ZNF680: variants seen among roughly 807,000 people sequenced by gnomAD.
ZNF680 encodes the protein hypothetical protein FLJ90430.
ZNF680 carries 6 observed loss-of-function variants against 12.1 expected under a neutral mutation model. The observed-to-expected ratio is 0.49, with a 90% CI of 0.27 to 0.98. ZNF680 has a LOEUF of 0.98. Among genes scored for constraint, ZNF680 ranks in the 50% least tolerant of loss-of-function variants. The pLI, the probability that ZNF680 is intolerant of heterozygous loss-of-function variation, is 0.12. For synonymous variants in ZNF680, 170 were observed against 199.3 expected, an observed-to-expected ratio of 0.85 and a Z score of 1.24; for missense variants, 561 against 616.3, an observed-to-expected ratio of 0.91 and a Z score of 0.95.
At chr7:64,524,658 TGAAG>T (rs1791736302) in intron 3 of ZNF680, 1 of 152,112 alleles carries the variant, frequency 6.6e-6, no homozygotes, top group Admixed American at 6.6e-5. Context: ...AAACCGGACT[TGAAG>T]GGAGTATAAA....
Position 64,520,216 on chromosome 7 carries a change from T to G in ZNF680, c.*945A>C, listed in dbSNP as rs961063624. 3.4e-4 allele frequency: 51 copies of G among 151,708 alleles called. No homozygotes were observed. The highest frequency in any genetic ancestry group is 1.2e-3 in the African/African-American group (51 of 41,410). 9.4% of individuals were successfully genotyped at this position (151,708 alleles called of 1,614,324 possible). A position where few individuals can be genotyped will look rare whatever the true frequency, so the allele number is the denominator to read the frequency against. ...AATAAAAAAGAATCTCTCCTATATC[T>G]GACACAGCAACAATTTATCACATGC... On this transcript the variant is annotated 3_prime_UTR_variant, in exon 4 of 4. Coordinates refer to ENST00000309683, the MANE Select transcript of ZNF680 (RefSeq NM_178558.5).
intron 1 of ZNF680, among the ~76,000 whole-genome samples, chr7:64,558,596 A>C (rs1007648122): frequency 6.6e-6 from 1 of 152,178 alleles, no homozygotes; most frequent in Non-Finnish European, 1.5e-5. Context: ...AGGCAGATGT[A>C]GTTAAGGTTA....
chr7:64,505,424 A>G, the ZNF680 span, among the ~76,000 whole-genome samples: 1 of 152,208 alleles, frequency 6.6e-6, no homozygotes, highest in African/African-American at 2.4e-5. Flanking sequence ...AATTGTAAAA[A>G]CTATTTAAAT....
downstream of ZNF680, among the ~76,000 whole-genome samples, chr7:64,517,497 C>T (rs1186106122): frequency 2.0e-5 from 3 of 152,032 alleles, no homozygotes; most frequent in African/African-American, 4.8e-5. Flanking sequence ...GACAGACTCA[C>T]AGCAGAATTC....
At chr7:64,561,614 A>C (rs1158273136) in intron 1 of ZNF680, among the ~76,000 whole-genome samples, 1 of 152,194 alleles carries the variant, frequency 6.6e-6, no homozygotes, top group East Asian at 1.9e-4. Flanking sequence ...TTTCTCAAAA[A>C]ATGATTAATT....
At chr7:64,547,796 G>C (rs909168866) in intron 1 of ZNF680, among the ~76,000 whole-genome samples, 2 of 152,096 alleles carry the variant, frequency 1.3e-5, no homozygotes, top group Non-Finnish European at 2.9e-5. Flanking sequence ...TTGCTACATG[G>C]AACATTTCAG....
chr7:64,529,069 G>C (rs979673299), intron 3 of ZNF680, among the ~76,000 whole-genome samples: 2 of 152,104 alleles, frequency 1.3e-5, no homozygotes, highest in Non-Finnish European at 2.9e-5. Context: ...ACCTAGAAGG[G>C]AGATAACAAT....
chr7:64,553,918 G>A (rs1046255015), intron 1 of ZNF680, among the ~76,000 whole-genome samples: 2 of 152,132 alleles, frequency 1.3e-5, no homozygotes, highest in Non-Finnish European at 2.9e-5. Flanking sequence ...GTGCAGTGGC[G>A]TGATCTCGGC....
intron 3 of ZNF680, among the ~76,000 whole-genome samples, chr7:64,542,382 CAA>C (rs906567026): frequency 7.9e-5 from 12 of 152,138 alleles, no homozygotes; most frequent in Middle Eastern, 3.4e-3. Flanking sequence ...AAAAATTAGT[CAA>C]AAAAAGTTTT....
intron 3 of ZNF680, among the ~76,000 whole-genome samples, chr7:64,535,505 A>G (rs1353406506): frequency 6.6e-6 from 1 of 152,160 alleles, no homozygotes; most frequent in Admixed American, 6.5e-5. Context: ...GTAAAAAAGC[A>G]TACAATATGT....
chr7:64,526,243 G>A (rs561568921), intron 3 of ZNF680: 207 of 1,111,522 alleles, frequency 1.9e-4, no homozygotes, highest in Middle Eastern at 1.5e-3. Flanking sequence ...AAAAGGCTAA[G>A]AACTTCCCAA....
At chr7:64,501,108 A>G in the ZNF680 span, 2 of 974,028 alleles carry the variant, frequency 2.1e-6, no homozygotes, top group East Asian at 2.4e-5. Flanking sequence ...GAGGAAAAGC[A>G]GGTGTGAAAT....
intron 1 of ZNF680, among the ~76,000 whole-genome samples, chr7:64,546,750 T>C (rs1359456099): frequency 6.6e-6 from 1 of 152,028 alleles, no homozygotes; most frequent in Non-Finnish European, 1.5e-5. Context: ...CTCTTAAATA[T>C]ATGTTTCTCT....
intron 1 of ZNF680, among the ~76,000 whole-genome samples, chr7:64,544,771 G>T (rs148252141): frequency 4.6e-5 from 7 of 152,212 alleles, no homozygotes; most frequent in Admixed American, 4.6e-4. Context: ...ATATTTTTCA[G>T]ATAGAAAAGA....
chr7:64,539,686 T>C (rs186152209), intron 3 of ZNF680, among the ~76,000 whole-genome samples: 124 of 152,342 alleles, frequency 8.1e-4, no homozygotes, highest in Non-Finnish European at 1.3e-3. Context: ...GATCTCACTC[T>C]GTCACCCAAG....
At chr7:64,541,672 G>A (rs188301175) in intron 3 of ZNF680, among the ~76,000 whole-genome samples, 96 of 152,008 alleles carry the variant, frequency 6.3e-4, no homozygotes, top group Admixed American at 5.4e-3. Context: ...CCCTGTTCTA[G>A]GCTGCAGACC....
At chr7:64,556,241 T>C (rs6961214) in intron 1 of ZNF680, among the ~76,000 whole-genome samples, 97,106 of 139,692 alleles carry the variant, frequency 0.7, 33,490 homozygotes, top group African/African-American at 0.84. Context: ...AAACTACCAA[T>C]AACATTCTTC....
At chr7:64,508,261 T>C in the ZNF680 span, among the ~76,000 whole-genome samples, 7 of 151,318 alleles carry the variant, frequency 4.6e-5, no homozygotes, top group African/African-American at 1.7e-4. Context: ...AATATGTATT[T>C]TTAAACTACA....
In ZNF680 at chr7:64,520,531, T is replaced by C. The variant is rs1791472852; in HGVS notation, c.*630A>G. Reference sequence around the variant, plus strand: ...ATATTTACATAGACTCAATTTTGGATTAAATATTTTTCATACTTACTGCAT... The same window carrying C: ...ATATTTACATAGACTCAATTTTGGACTAAATATTTTTCATACTTACTGCAT... On this transcript the variant is annotated 3_prime_UTR_variant, in exon 4 of 4. Coordinates refer to ENST00000309683, the MANE Select transcript of ZNF680 (RefSeq NM_178558.5). 6.6e-6 allele frequency: 1 copy of C among 151,882 alleles called. No individual in the cohort carries two copies. The highest frequency in any genetic ancestry group is 2.4e-5 in the African/African-American group (1 of 41,426). The allele number at this position is 151,882 out of a possible 1,614,324, so 9.4% of individuals were successfully genotyped here.
Sources: gnomAD v4.1 joint callset for allele counts (sites outside exome capture counted in the v4.1 genomes callset) on GRCh38, gnomAD v4.1.1 for gene constraint, MANE v1.5 for transcripts, NCBI Gene and HGNC (gene_info 2026-07-23, HGNC 2026-07-21) for gene names.